UBR4: variants seen among roughly 807,000 people sequenced by gnomAD.
UBR4 encodes E3 ubiquitin-protein ligase UBR4.
A neutral mutation model predicts 575.6 loss-of-function variants in UBR4; 124 were observed. The observed-to-expected ratio is 0.22, with a 90% CI of 0.19 to 0.25. The LOEUF (loss-of-function observed/expected upper bound fraction) is 0.25. Among genes scored for constraint, UBR4 ranks in the 10% least tolerant of loss-of-function variants. UBR4 has a pLI of 1.00. For missense variants in UBR4, 4,818 were observed against 6,478.8 expected, an observed-to-expected ratio of 0.74 and a Z score of 8.80; for synonymous variants, 2,455 against 2,473.7, an observed-to-expected ratio of 0.99 and a Z score of 0.22.
intron 17 of UBR4, among the ~76,000 whole-genome samples, chr1:19,181,661 A>ATATG (rs1159174364): frequency 1.3e-5 from 2 of 152,198 alleles, no homozygotes; most frequent in African/African-American, 4.8e-5. Flanking sequence ...TGCTCAATGA[A>ATATG]TATGTATTGA....
rs779883773 is a variant in UBR4 at position 19,156,848 on chromosome 1, A to C, written c.5838T>G (p.Ala1946=). 6 of 1,614,208 alleles carry C rather than the reference A, an allele frequency of 3.7e-6. No individual in the cohort carries two copies. Among genetic ancestry groups the C allele is most frequent in the Non-Finnish European group, 5.1e-6 (6 of 1,180,016 alleles). Residue 1946 remains alanine (A), a synonymous_variant, in exon 41 of 106, where the codon GCT becomes GCG. Transcript: ENST00000375254. ...SKRKLTLTRL[A]SAPVPFTVLS... ...ACACAGTAAAAGGAACTGGGGCAGAAGCCAAGCGGGTCAGAGTTAACTTCC... is the reference window on the plus strand; with the variant it reads ...ACACAGTAAAAGGAACTGGGGCAGACGCCAAGCGGGTCAGAGTTAACTTCC...
chr1:19,163,609 G>T (rs1553197022), intron 34 of UBR4, among the ~76,000 whole-genome samples, 155 bp downstream of exon 34: 1 of 152,184 alleles, frequency 6.6e-6, no homozygotes, highest in African/African-American at 2.4e-5. Context: ...CACACAGTTA[G>T]CAACTACATA....
intron 91 of UBR4, among the ~76,000 whole-genome samples, chr1:19,096,992 C>CT (rs36041876): frequency 3.2e-3 from 460 of 144,534 alleles, no homozygotes; most frequent in East Asian, 0.011. Flanking sequence ...TGCTGGTATT[C>CT]TTTTTTTTTT....
intron 54 of UBR4, 98 bp from the exon 55 acceptor site, chr1:19,144,189 G>A (rs1404958315): frequency 1.4e-5 from 15 of 1,068,448 alleles, no homozygotes; most frequent in African/African-American, 3.1e-5. Context: ...TCACATGCAA[G>A]TGGAATACCT....
chr1:19,088,653 C>A lies in UBR4; in HGVS notation c.14430+106G>T. On this transcript the variant is annotated intron_variant, in intron 98 of 105. Transcript: ENST00000375254. This position sits in a 1 kb window ranked among gnomAD's most constrained non-coding sequence, Gnocchi z 4.0. ...ACACACCTAGTTCCTTCCTCCTACTCTGTCCAGCCTTCTCTTTCCCCATGG... is the reference window on the plus strand; with the variant it reads ...ACACACCTAGTTCCTTCCTCCTACTATGTCCAGCCTTCTCTTTCCCCATGG... The A allele has an allele frequency of 9.0e-7, 1 of 1,108,284 alleles. No homozygotes were observed. The highest frequency in any genetic ancestry group is 1.4e-5 in the South Asian group (1 of 71,250). 68.7% of individuals were successfully genotyped at this position (1,108,284 alleles called of 1,614,324 possible). A position where few individuals can be genotyped will look rare whatever the true frequency, so the allele number is the denominator to read the frequency against.
chr1:19,195,132 G>A (rs2092371792), intron 8 of UBR4, among the ~76,000 whole-genome samples: 1 of 151,420 alleles, frequency 6.6e-6, no homozygotes, highest in Non-Finnish European at 1.5e-5. Flanking sequence ...GGGCATGGTA[G>A]TGGGCACCTG....
Position 19,081,514 on chromosome 1 carries a change from T to A in UBR4, c.15068A>T (p.Glu5023Val). 11 of 1,613,904 alleles carry A rather than the reference T, an allele frequency of 6.8e-6. No homozygotes were observed. Among genetic ancestry groups the A allele is most frequent in the Non-Finnish European group, 9.3e-6 (11 of 1,180,008 alleles). ...NLQGFLEQPK[E>V]KWVESAFEVD... ...TTCAAAGGCACTCTCCACCCACTTC[T>A]CCTTGGGCTGTTCCAGAAAGCCTTG... The change falls in exon 103 of 106, where the codon GAG (glutamate) becomes GTG (valine). Residue 5023 changes from glutamate to valine, a missense_variant. By Grantham distance (121) the Glu-to-Val change is moderately radical. Transcript: ENST00000375254.
At chr1:19,075,056 A>G (rs1394121820) in intron 105 of UBR4, 160 bp from the exon 106 acceptor site, 15 of 711,868 alleles carry the variant, frequency 2.1e-5, no homozygotes, top group African/African-American at 7.0e-5. Context: ...GTAGTCATTG[A>G]GCAAAACCCT....
chr1:19,119,680 C>T lies in UBR4; in HGVS notation c.10332G>A (p.Gln3444=), dbSNP rs754026780. Residue 3444 remains glutamine, a synonymous_variant, in exon 70 of 106, where the codon CAG becomes CAA. Transcript: ENST00000375254. ...ACCACATCAGATCTAGCAGGAGCTCCTGTTGAGATTTGCTGGAATTTCTGT... is the reference window on the plus strand; with the variant it reads ...ACCACATCAGATCTAGCAGGAGCTCTTGTTGAGATTTGCTGGAATTTCTGT... ...HIYRNSSKSQ[Q]ELLLDLMWSI... 12 of 1,611,862 alleles carry T rather than the reference C, an allele frequency of 7.4e-6. No homozygotes were observed. The highest frequency in any genetic ancestry group is 1.3e-5 in the African/African-American group (1 of 74,868).
chr1:19,134,225 G>A (rs2082920782), intron 60 of UBR4, among the ~76,000 whole-genome samples: 1 of 151,300 alleles, frequency 6.6e-6, no homozygotes, highest in African/African-American at 2.4e-5. Context: ...CTGCACACCA[G>A]CCTGGGCAAC....
intron 90 of UBR4, 88 bp downstream of exon 90, chr1:19,099,509 T>A: frequency 3.3e-6 from 4 of 1,202,610 alleles, no homozygotes; most frequent in Non-Finnish European, 4.8e-6. Flanking sequence ...GCCAGGTAAG[T>A]GATGATGAAC....
In UBR4 at chr1:19,146,825, C is replaced by T; in HGVS notation, c.7804+1G>A. On this transcript the variant is annotated splice_donor_variant, in intron 52 of 105. Transcript: ENST00000375254. LOFTEE classifies it high-confidence loss of function. ...ACCACGGCCACAGAGGCCAAGTTCA[C>T]CTGTTTCCATCTGGGGCAGCTTTGA... 6.2e-7 allele frequency: 1 copy of T among 1,612,060 alleles called. No homozygotes were observed. Among genetic ancestry groups the T allele is most frequent in the South Asian group, 1.1e-5 (1 of 90,702 alleles).
chr1:19,177,280 G>T (rs1309732978), intron 19 of UBR4, among the ~76,000 whole-genome samples, 181 bp downstream of exon 19: 1 of 152,096 alleles, frequency 6.6e-6, no homozygotes, highest in Admixed American at 6.5e-5. Context: ...TAATCTACAT[G>T]TATCACTTCT....
chr1:19,182,251 C>T (rs757857065), intron 17 of UBR4, among the ~76,000 whole-genome samples: 11 of 152,170 alleles, frequency 7.2e-5, no homozygotes, highest in Non-Finnish European at 1.5e-4. Context: ...AATAATACTG[C>T]TATGAACATG....
chr1:19,180,196 A>ATT (rs370222029), intron 17 of UBR4, among the ~76,000 whole-genome samples: 10 of 149,384 alleles, frequency 6.7e-5, no homozygotes, highest in South Asian at 2.1e-4. Flanking sequence ...TTATTTATTT[A>ATT]TTTTTTTTTT....
chr1:19,138,711 T>C (rs1207250606), intron 59 of UBR4, among the ~76,000 whole-genome samples: 1 of 152,008 alleles, frequency 6.6e-6, no homozygotes, highest in African/African-American at 2.4e-5. Context: ...GGAGAAACCA[T>C]AGGATAATGG....
Position 19,110,965 on chromosome 1 carries a change from G to A in UBR4, c.11802-133C>T, listed in dbSNP as rs965949803. 4.3e-5 allele frequency: 36 copies of A among 839,386 alleles called. No homozygotes were observed. In the Admixed American group the frequency reaches 4.6e-4, roughly 11 times the overall value. The allele number at this position is 839,386 out of a possible 1,614,324, so 52.0% of individuals were successfully genotyped here. On this transcript the variant is annotated intron_variant, in intron 78 of 105. Transcript: ENST00000375254. This position sits in a 1 kb window ranked among gnomAD's most constrained non-coding sequence, Gnocchi z 4.5. Reference sequence around the variant, plus strand: ...GCCCCAAATTTTCTACTTCCTTCCCGGGGCAAGACTAGAACTTTAGCTTCA... The same window carrying A: ...GCCCCAAATTTTCTACTTCCTTCCCAGGGCAAGACTAGAACTTTAGCTTCA...
At position 19,146,941 on chromosome 1, in the gene UBR4, C is replaced by T. The variant is rs746904178; in HGVS notation, c.7689G>A (p.Lys2563=). ...QCLNTSSKEG[K]DLDPEVFQRL... The stretch of plus-strand genomic sequence containing the variant: ...TCTGGAACACCTCAGGGTCCAAATC[C>T]TTGCCCTCTTTGCTAGATGTGTTGA... Residue 2563 remains lysine (K), a synonymous_variant, in exon 52 of 106, where the codon AAG becomes AAA. Transcript: ENST00000375254. 2.5e-6 allele frequency: 4 copies of T among 1,613,746 alleles called. No homozygotes were observed. Among genetic ancestry groups the T allele is most frequent in the African/African-American group, 1.3e-5 (1 of 74,936 alleles).
At position 19,210,245 on chromosome 1, in the gene UBR4, C is replaced by T; in HGVS notation, c.4G>A (p.Ala2Thr). ...GCCGCCTCTTCGCCGCCGCTCGTCG[C>T]CATCTTCCGTCGTACTACTGCGGCT... is the stretch of plus-strand genomic sequence containing the variant. The part of the protein sequence containing the change: M[A>T]TSGGEEAAAA... Residue 2 changes from alanine to threonine, a missense_variant, in exon 1 of 106, where the codon GCG (alanine) becomes ACG (threonine). Physicochemically the swap from Ala to Thr is moderately conservative, Grantham distance 58. Transcript: ENST00000375254. The T allele has an allele frequency of 1.4e-6, 2 of 1,440,006 alleles. No individual in the cohort carries two copies. The highest frequency in any genetic ancestry group is 1.8e-6 in the Non-Finnish European group (2 of 1,100,618). 89.2% of individuals were successfully genotyped at this position (1,440,006 alleles called of 1,614,324 possible). A position where few individuals can be genotyped will look rare whatever the true frequency, so the allele number is the denominator to read the frequency against.
Sources: allele counts gnomAD v4.1 joint callset (sites outside exome capture counted in the v4.1 genomes callset), GRCh38; gene constraint gnomAD v4.1.1; non-coding constraint Gnocchi (gnomAD v3.1); transcripts MANE v1.5; gene names NCBI Gene and HGNC (gene_info 2026-07-23, HGNC 2026-07-21).